SH2D4B: variants seen among roughly 807,000 people sequenced by gnomAD.
SH2D4B encodes SH2 domain-containing protein 4B.
SH2D4B carries 45 observed loss-of-function variants against 61.5 expected under a neutral mutation model. That is an observed-to-expected ratio of 0.73 (90% CI 0.58 to 0.94). SH2D4B has a LOEUF of 0.94. SH2D4B is among the 40% of genes least tolerant of loss of function. The pLI, the probability that SH2D4B is intolerant of heterozygous loss-of-function variation, is 0.00. For missense variants in SH2D4B, 572 were observed against 574.2 expected (o/e 1.00, Z 0.04); for synonymous variants, 224 against 220.4 (o/e 1.02, Z -0.14).
chr10:80,571,082 C>T (rs1842036244), intron 2 of SH2D4B, among the ~76,000 whole-genome samples: 1 of 152,012 alleles, frequency 6.6e-6, no homozygotes, highest in Non-Finnish European at 1.5e-5. Flanking sequence ...ACTATGTTGC[C>T]CAGGCTGGTC....
intron 6 of SH2D4B, among the ~76,000 whole-genome samples, 182 bp downstream of exon 6, chr10:80,609,733 C>T (rs1842573305): frequency 6.6e-6 from 1 of 152,234 alleles, no homozygotes; most frequent in Non-Finnish European, 1.5e-5. Flanking sequence ...GCTGAACGGG[C>T]CTCCCAACTC....
At chr10:80,640,156 A>C (rs1178011519) in intron 7 of SH2D4B, among the ~76,000 whole-genome samples, 1 of 152,190 alleles carries the variant, frequency 6.6e-6, no homozygotes, top group African/African-American at 2.4e-5. Flanking sequence ...CCTAGAGATC[A>C]GCTGTTAGTC....
intron 1 of SH2D4B, among the ~76,000 whole-genome samples, chr10:80,545,098 C>A (rs542899407): frequency 1.0e-3 from 155 of 152,342 alleles, no homozygotes; most frequent in Middle Eastern, 3.4e-3. Flanking sequence ...GTAAAATACA[C>A]ATAACATGAA....
At chr10:80,586,907 G>A (rs950044269) in intron 3 of SH2D4B, among the ~76,000 whole-genome samples, 1 of 151,724 alleles carries the variant, frequency 6.6e-6, no homozygotes, top group Non-Finnish European at 1.5e-5. Context: ...AACTCCAGAC[G>A]CACTGCCTTA....
intron 3 of SH2D4B, among the ~76,000 whole-genome samples, chr10:80,575,431 G>A (rs1375992748): frequency 6.6e-6 from 1 of 152,030 alleles, no homozygotes; most frequent in Non-Finnish European, 1.5e-5. Flanking sequence ...CAACTCTGCT[G>A]CTGTAGCACA....
chr10:80,553,705 C>T (rs1394458501), intron 1 of SH2D4B, among the ~76,000 whole-genome samples: 2 of 152,196 alleles, frequency 1.3e-5, no homozygotes, highest in Admixed American at 6.5e-5. Flanking sequence ...GGTGGCTTAG[C>T]GTGACCAGCC....
chr10:80,642,153 G>A (rs1465510676), intron 7 of SH2D4B, among the ~76,000 whole-genome samples: 1 of 152,124 alleles, frequency 6.6e-6, no homozygotes, highest in African/African-American at 2.4e-5. Context: ...GTGCAGTGGT[G>A]CGATCATAGC....
chr10:80,563,993 GC>G (rs1841938010), intron 1 of SH2D4B, among the ~76,000 whole-genome samples: 2 of 152,158 alleles, frequency 1.3e-5, no homozygotes, highest in Non-Finnish European at 2.9e-5. Context: ...GCAATTAGTA[GC>G]TAAGCCCTCT....
chr10:80,569,870 G>A (rs532665625), intron 1 of SH2D4B, among the ~76,000 whole-genome samples: 16 of 152,254 alleles, frequency 1.1e-4, no homozygotes, highest in East Asian at 7.7e-4. Flanking sequence ...AGTCATGCTC[G>A]GCCTCCTTTT....
At chr10:80,591,623 C>T (rs1196611222) in intron 4 of SH2D4B, among the ~76,000 whole-genome samples, 1 of 151,374 alleles carries the variant, frequency 6.6e-6, no homozygotes, top group Non-Finnish European at 1.5e-5. Context: ...TCTCCTGCCT[C>T]CCTAGTAGCT....
In SH2D4B at chr10:80,603,658, C is replaced by G; in HGVS notation, c.723C>G (p.Leu241=). ...RARDEYRHHS[L]RAIQKGTVAG... ...GGGACGAGTACCGACACCACTCGCT[C>G]CGTGCTATCCAGAAGGGCACGGTCG... is the stretch of plus-strand genomic sequence containing the variant. Residue 241 remains leucine (L), a synonymous_variant, in exon 5 of 8, where the codon CTC becomes CTG. Coordinates refer to ENST00000646907, the MANE Select transcript of SH2D4B (RefSeq NM_001388272.1). The G allele has an allele frequency of 1.2e-6, 2 of 1,607,418 alleles. No homozygotes were observed. Among genetic ancestry groups the G allele is most frequent in the Non-Finnish European group, 1.7e-6 (2 of 1,177,468 alleles).
intron 4 of SH2D4B, among the ~76,000 whole-genome samples, chr10:80,595,993 T>G (rs1842380126): frequency 6.6e-6 from 1 of 152,186 alleles, no homozygotes; most frequent in Admixed American, 6.5e-5. Flanking sequence ...GAGGGAAATG[T>G]GGGTGGGGTC....
At chr10:80,609,333 CCCTTCCTCTTTCCTTCCCCTCTG>C in intron 5 of SH2D4B, 68 bp from the exon 6 acceptor site, 2 of 1,251,658 alleles carry the variant, frequency 1.6e-6, no homozygotes, top group Non-Finnish European at 2.1e-6. Flanking sequence ...ACCTTCCTCT[CCCTTCCTCTTTCCTTCCCCTCTG>C]CCTTCCTCTC....
chr10:80,572,969 TATATATATATA>T (rs1842072707), intron 3 of SH2D4B, among the ~76,000 whole-genome samples: 7 of 9,314 alleles, frequency 7.5e-4, no homozygotes, highest in African/African-American at 1.9e-3. Flanking sequence ...TATATATATA[TATATATATATA>T]TATATATTTT....
Position 80,611,495 on chromosome 10 carries a change from G to T in SH2D4B, c.988+1944G>T, listed in dbSNP as rs529888482. Among the ~76,000 whole-genome samples the T allele has an allele frequency of 2.2e-4, 34 of 152,340 alleles. No homozygotes were observed. The East Asian group carries it at 6.6e-3, about 29-fold the overall frequency. Reference sequence around the variant, plus strand: ...GCACTCATGGCTGACTGAGCCATGTGTCCCTGGAGCTGGTGCTGGGGATTC... The same window carrying T: ...GCACTCATGGCTGACTGAGCCATGTTTCCCTGGAGCTGGTGCTGGGGATTC... On this transcript the variant is annotated intron_variant, in intron 6 of 7. Coordinates refer to ENST00000646907, the MANE Select transcript of SH2D4B (RefSeq NM_001388272.1).
chr10:80,546,798 A>G, intron 1 of SH2D4B, among the ~76,000 whole-genome samples: 1 of 151,832 alleles, frequency 6.6e-6, no homozygotes, highest in South Asian at 2.1e-4. Context: ...AAGTGCTGGG[A>G]TTACAGGCGT....
At chr10:80,586,629 C>G (rs182107421) in intron 3 of SH2D4B, among the ~76,000 whole-genome samples, 1 of 152,266 alleles carries the variant, frequency 6.6e-6, no homozygotes, top group East Asian at 1.9e-4. Context: ...AAACAGACCA[C>G]TGGGCTCTCT....
intron 3 of SH2D4B, among the ~76,000 whole-genome samples, chr10:80,587,038 A>G (rs1181402286): frequency 6.6e-6 from 1 of 151,400 alleles, no homozygotes; most frequent in Non-Finnish European, 1.5e-5. Context: ...AACTCCGGAT[A>G]TGCCACATTT....
At chr10:80,604,220 C>A (rs1842489264) in intron 5 of SH2D4B, among the ~76,000 whole-genome samples, 1 of 152,182 alleles carries the variant, frequency 6.6e-6, no homozygotes, top group Non-Finnish European at 1.5e-5. Flanking sequence ...GAGCCCCAGG[C>A]AAGCCAGTTT....
Sources: gnomAD v4.1 joint callset for allele counts (sites outside exome capture counted in the v4.1 genomes callset) on GRCh38, gnomAD v4.1.1 for gene constraint, MANE v1.5 for transcripts, NCBI Gene and HGNC (gene_info 2026-07-23, HGNC 2026-07-21) for gene names.